Variants in ZACN observed in about 807,000 individuals in gnomAD.
The protein encoded by ZACN is zinc activated ion channel.
ZACN carries 52 observed loss-of-function variants against 38.9 expected under a neutral mutation model. The ratio of observed to expected loss-of-function variants is 1.34; its 90% CI spans 1.07 to 1.68. ZACN has a LOEUF of 1.68. Among genes scored for constraint, ZACN ranks in the 40% most tolerant of loss-of-function variants. The pLI, the probability that ZACN is intolerant of heterozygous loss-of-function variation, is 0.00. For synonymous variants in ZACN, 235 were observed against 227.4 expected, an observed-to-expected ratio of 1.03 and a Z score of -0.30; for missense variants, 559 against 525.6, an observed-to-expected ratio of 1.06 and a Z score of -0.62.
rs750282140 is a variant in ZACN, at chr17:76,081,282, G to GGAGTTA, written c.555_560dup (p.Leu185_Glu186dup). On this transcript the variant is annotated inframe_insertion, in exon 6 of 9. Coordinates refer to ENST00000334586, the MANE Select transcript of ZACN (RefSeq NM_180990.4). ...GTTCTCATTCCCACCCCTCAGCGAT[G>GGAGTTA]GAGTTAGAGTTCCAGGCCCACGTGG... The GGAGTTA allele has an allele frequency of 1.9e-6, 3 of 1,613,706 alleles. No homozygotes were observed. In the African/African-American group the frequency reaches 4.0e-5, roughly 22 times the overall value.
chr17:76,081,801 A>G (rs978006409), intron 7 of ZACN, 46 bp downstream of exon 7: 27 of 1,612,678 alleles, frequency 1.7e-5, no homozygotes, highest in Non-Finnish European at 2.1e-5. Flanking sequence ...CTCCCCGGTC[A>G]CCCACTGGTG....
rs2066913585 is a variant in ZACN, at chr17:76,079,186, G to A, written c.-79G>A. The A allele has an allele frequency of 2.8e-6, 4 of 1,406,946 alleles. No individual in the cohort carries two copies. The highest frequency in any genetic ancestry group is 3.8e-6 in the Non-Finnish European group (4 of 1,042,292). The allele number at this position is 1,406,946 out of a possible 1,614,324, so 87.2% of individuals were successfully genotyped here. A position where few individuals can be genotyped will look rare whatever the true frequency, so the allele number is the denominator to read the frequency against. On this transcript the variant is annotated 5_prime_UTR_variant, in exon 1 of 9. Coordinates refer to ENST00000334586, the MANE Select transcript of ZACN (RefSeq NM_180990.4). ...CCAGAGCAGCTGCCTCTGGCTAATT[G>A]CTCAGCTGCCAGAGAAGTGACTGGA...
intron 5 of ZACN, 92 bp from the exon 6 acceptor site, chr17:76,081,186 C>G: frequency 6.5e-7 from 1 of 1,546,418 alleles, no homozygotes; most frequent in Non-Finnish European, 8.8e-7. Context: ...CATCAAAAGT[C>G]TCCATCACCC....
At position 76,081,962 on chromosome 17, in the gene ZACN, G is replaced by A; in HGVS notation, c.961G>A (p.Gly321Ser). The change falls in exon 8 of 9, where the codon GGC becomes AGC. Residue 321 changes from glycine to serine, a missense_variant. Gly to Ser is a moderately conservative substitution (Grantham distance 56). Transcript: ENST00000334586. ...TVLLAGLLAR[G>S]NLGAKSGPSP... is the part of the protein sequence containing the mutation. ...GCTGCTGGCTGGGCTGCTGGCCCGG[G>A]GCAACCTTGGGGCCAAGAGCGGCCC... is the stretch of plus-strand genomic sequence containing the variant. The A allele has an allele frequency of 6.2e-7, 1 of 1,612,900 alleles. No homozygotes were observed. The highest frequency in any genetic ancestry group is 1.7e-5 in the Admixed American group (1 of 59,926).
chr17:76,079,580 C>T lies in ZACN; in HGVS notation c.222+17C>T. 1 of 1,614,072 alleles carries T rather than the reference C, an allele frequency of 6.2e-7. No homozygotes were observed. The highest frequency in any genetic ancestry group is 2.2e-5 in the East Asian group (1 of 44,882). On this transcript the variant is annotated intron_variant, in intron 2 of 8. Transcript: ENST00000334586. ...TTTAATGTGGTAAGTGCCTCTAGGC[C>T]AAGGGCCCCAAGTGCTGAGCTGGGC...
At chr17:76,080,516 G>A (rs778566420) in intron 5 of ZACN, 92 bp downstream of exon 5, 32 of 1,532,280 alleles carry the variant, frequency 2.1e-5, no homozygotes, top group East Asian at 1.4e-4. Context: ...GGCAGGGTGC[G>A]GGGCAAGGGG....
Position 76,081,031 on chromosome 17 carries a change from T to A in ZACN, c.545-247T>A, listed in dbSNP as rs2066949307. On this transcript the variant is annotated intron_variant, in intron 5 of 8. Transcript: ENST00000334586. ...CCCTCCATCATGAAGTGGTGCAAAG[T>A]ACATTTATTTTTACAATGAAAGCTC... is the stretch of plus-strand genomic sequence containing the variant. 8.5e-6 allele frequency: 4 copies of A among 470,848 alleles called. No individual in the cohort carries two copies. The Admixed American group carries it at 1.0e-4, about 12-fold the overall frequency. 29.2% of individuals were successfully genotyped at this position (470,848 alleles called of 1,614,324 possible).
intron 1 of ZACN, 28 bp from the exon 2 acceptor site, chr17:76,079,411 C>T (rs745397507): frequency 1.2e-6 from 2 of 1,614,104 alleles, no homozygotes; most frequent in Admixed American, 1.7e-5. Context: ...CCTAGGGCAC[C>T]TGAGTGACCT....
chr17:76,080,551 G>C (rs183586768), intron 5 of ZACN, 127 bp downstream of exon 5: 1 of 1,332,732 alleles, frequency 7.5e-7, no homozygotes, highest in Non-Finnish European at 1.0e-6. Flanking sequence ...GACAGAAGGC[G>C]AACTCCCAGG....
In ZACN at chr17:76,081,963, G is replaced by A; in HGVS notation, c.962G>A (p.Gly321Asp). The change falls in exon 8 of 9, where the codon GGC becomes GAC. Residue 321 changes from glycine (G) to aspartate (D), a missense_variant. Coordinates refer to ENST00000334586, the MANE Select transcript of ZACN (RefSeq NM_180990.4). ...CTGCTGGCTGGGCTGCTGGCCCGGGGCAACCTTGGGGCCAAGAGCGGCCCC... is the reference window on the plus strand; with the variant it reads ...CTGCTGGCTGGGCTGCTGGCCCGGGACAACCTTGGGGCCAAGAGCGGCCCC... ...TVLLAGLLAR[G>D]NLGAKSGPSP... 1.2e-6 allele frequency: 2 copies of A among 1,612,816 alleles called. No homozygotes were observed. Among genetic ancestry groups the A allele is most frequent in the Non-Finnish European group, 8.5e-7 (1 of 1,179,848 alleles).
rs561295093 is a variant in ZACN, at chr17:76,082,068, G to T, written c.1048+19G>T. 193 of 1,585,930 alleles carry T rather than the reference G, an allele frequency of 1.2e-4. 4 individuals are homozygous for T. The South Asian group carries it at 2.1e-3, about 17-fold the overall frequency. On this transcript the variant is annotated intron_variant, in intron 8 of 8. Coordinates refer to ENST00000334586, the MANE Select transcript of ZACN (RefSeq NM_180990.4). ...GCTGAAGGTGGGCAGGGGCTGGGGG[G>T]TAAGGAATGAGGCCTAGGTGCACAC... is the stretch of plus-strand genomic sequence containing the variant.
rs552093015 is a variant in ZACN at position 76,081,309 on chromosome 17, G to A, written c.576G>A (p.Val192=). 2 of 1,614,064 alleles carry A rather than the reference G, an allele frequency of 1.2e-6. No homozygotes were observed. Among genetic ancestry groups the A allele is most frequent in the African/African-American group, 1.3e-5 (1 of 75,048 alleles). ...AGTTAGAGTTCCAGGCCCACGTGGT[G>A]AACGAGATTGTGAGTGTCAAGAGGG... ...AMELEFQAHV[V]NEIVSVKREY... is the part of the protein sequence containing the mutation. The change falls in exon 6 of 9, where the codon GTG becomes GTA. Residue 192 remains valine, a synonymous_variant. Coordinates refer to ENST00000334586, the MANE Select transcript of ZACN (RefSeq NM_180990.4).
intron 5 of ZACN, chr17:76,080,941 G>T (rs1176067052): frequency 2.5e-6 from 1 of 404,366 alleles, no homozygotes; most frequent in Admixed American, 3.2e-5. Context: ...AGAGACCACA[G>T]CGGTAGCCCT....
intron 2 of ZACN, 21 bp downstream of exon 2, chr17:76,079,584 G>A (rs2144555455): frequency 2.5e-6 from 4 of 1,614,086 alleles, no homozygotes; most frequent in East Asian, 2.2e-5. Flanking sequence ...CTAGGCCAAG[G>A]GCCCCAAGTG....
intron 4 of ZACN, 125 bp downstream of exon 4, chr17:76,080,119 A>G: frequency 6.8e-7 from 1 of 1,460,408 alleles, no homozygotes; most frequent in South Asian, 1.3e-5. Flanking sequence ...CTAGCAGTGC[A>G]CCTTCACTGC....
In ZACN at chr17:76,081,924, C is replaced by T. The variant is rs1223467091; in HGVS notation, c.923C>T (p.Thr308Ile). ...CTGCTGCTGCTGCTCTTCCTCAGCA[C>T]CATAGAGACTGTGCTGCTGGCTGGG... Reference protein sequence around the residue: ...TILLLLLFLSTIETVLLAGLL... With the variant: ...TILLLLLFLSIIETVLLAGLL... Residue 308 changes from threonine to isoleucine, a missense_variant, in exon 8 of 9, where the codon ACC (threonine) becomes ATC (isoleucine). Coordinates refer to ENST00000334586, the MANE Select transcript of ZACN (RefSeq NM_180990.4). The T allele has an allele frequency of 6.2e-7, 1 of 1,613,454 alleles. No individual in the cohort carries two copies. The highest frequency in any genetic ancestry group is 1.7e-5 in the Admixed American group (1 of 59,944).
chr17:76,081,325 G>C lies in ZACN; in HGVS notation c.592G>C (p.Val198Leu). 6.2e-7 allele frequency: 1 copy of C among 1,614,172 alleles called. No individual in the cohort carries two copies. The highest frequency in any genetic ancestry group is 8.5e-7 in the Non-Finnish European group (1 of 1,180,028). Residue 198 changes from valine (V) to leucine (L), a missense_variant, in exon 6 of 9, where the codon GTC (valine) becomes CTC (leucine). Coordinates refer to ENST00000334586, the MANE Select transcript of ZACN (RefSeq NM_180990.4). ...CCACGTGGTGAACGAGATTGTGAGTGTCAAGAGGGAATACGTAGTTTATGA... is the reference window on the plus strand; with the variant it reads ...CCACGTGGTGAACGAGATTGTGAGTCTCAAGAGGGAATACGTAGTTTATGA... ...QAHVVNEIVS[V>L]KREYVVYDLK...
In ZACN at chr17:76,082,007, G is replaced by C; in HGVS notation, c.1006G>C (p.Glu336Gln). ...CGGCCCCAGCCCAGCCCCGAGAGGGGAACAGCGAGAGCACGGCAACCCAGG... is the reference window on the plus strand; with the variant it reads ...CGGCCCCAGCCCAGCCCCGAGAGGGCAACAGCGAGAGCACGGCAACCCAGG... ...KSGPSPAPRGEQREHGNPGPH... is the reference protein window; with the variant it reads ...KSGPSPAPRGQQREHGNPGPH... Residue 336 changes from glutamate (E) to glutamine (Q), a missense_variant, in exon 8 of 9, where the codon GAA becomes CAA. By Grantham distance (29) the Glu-to-Gln change is conservative. Transcript: ENST00000334586. 6.2e-7 allele frequency: 1 copy of C among 1,611,542 alleles called. No individual in the cohort carries two copies. The highest frequency in any genetic ancestry group is 8.5e-7 in the Non-Finnish European group (1 of 1,179,480).
rs1227727127 is a variant in ZACN at position 76,082,541 on chromosome 17, T to C, written c.1127T>C (p.Val376Ala). ...ADRIFFLVYV[V>A]GVLCTQFVFA... is the part of the protein sequence containing the mutation. Reference sequence around the variant, plus strand: ...CGCATCTTCTTCCTCGTGTATGTGGTTGGGGTGCTGTGCACCCAATTCGTC... The same window carrying C: ...CGCATCTTCTTCCTCGTGTATGTGGCTGGGGTGCTGTGCACCCAATTCGTC... The change falls in exon 9 of 9, where the codon GTT becomes GCT. Residue 376 changes from valine (V) to alanine (A), a missense_variant. Transcript: ENST00000334586. 1.2e-6 allele frequency: 2 copies of C among 1,613,854 alleles called. No individual in the cohort carries two copies. Among genetic ancestry groups the C allele is most frequent in the African/African-American group, 1.3e-5 (1 of 75,040 alleles).
Sources: allele counts gnomAD v4.1 joint callset, GRCh38; gene constraint gnomAD v4.1.1; transcripts MANE v1.5; gene names NCBI Gene and HGNC (gene_info 2026-07-23, HGNC 2026-07-21).